KATNAL1: variants seen among roughly 807,000 people sequenced by gnomAD.
KATNAL1 encodes katanin catalytic subunit A1 like 1, also known as katanin p60 ATPase-containing subunit A-like 1.
Under a neutral mutation model 55.2 loss-of-function variants are expected in KATNAL1, and 32 were observed. That is an observed-to-expected ratio of 0.58 (90% CI 0.44 to 0.78). KATNAL1 has a LOEUF of 0.78. Ranked by LOEUF, KATNAL1 falls within the 30% of genes least tolerant of loss-of-function variation. KATNAL1 has a pLI of 0.00. For synonymous variants in KATNAL1, 193 were observed against 193.6 expected (o/e 1.00, Z 0.02); for missense variants, 466 against 600.9 (o/e 0.78, Z 2.35).
rs1257934976 is a variant in KATNAL1 at position 30,204,813 on chromosome 13, G to C, written c.*3727C>G. 6.6e-6 allele frequency: 1 copy of C among 152,138 alleles called. No individual in the cohort carries two copies. Among genetic ancestry groups the C allele is most frequent in the Non-Finnish European group, 1.5e-5 (1 of 68,030 alleles). 9.4% of individuals were successfully genotyped at this position (152,138 alleles called of 1,614,324 possible). On this transcript the variant is annotated 3_prime_UTR_variant, in exon 11 of 11. Transcript: ENST00000380615. Reference sequence around the variant, plus strand: ...AATTAAGCCCTGAGCTATACAGCTAGACCACCGCATGTTTTCCCCTTCCAA... The same window carrying C: ...AATTAAGCCCTGAGCTATACAGCTACACCACCGCATGTTTTCCCCTTCCAA...
intron 3 of KATNAL1, among the ~76,000 whole-genome samples, chr13:30,267,885 A>T (rs1489097726): frequency 6.6e-6 from 1 of 152,226 alleles, no homozygotes; most frequent in African/African-American, 2.4e-5. Context: ...GTGAGATCTG[A>T]GACAGGGTCG....
intron 3 of KATNAL1, among the ~76,000 whole-genome samples, chr13:30,263,593 A>G (rs1306902415): frequency 2.0e-5 from 3 of 152,232 alleles, no homozygotes; most frequent in Non-Finnish European, 4.4e-5. Context: ...AAATCATGAG[A>G]GAACCAAATC....
chr13:30,267,425 C>CA (rs1879864360), intron 3 of KATNAL1, among the ~76,000 whole-genome samples: 2 of 152,180 alleles, frequency 1.3e-5, no homozygotes, highest in African/African-American at 4.8e-5. Flanking sequence ...AAGCATGTGA[C>CA]ATACTGCCAG....
At chr13:30,256,463 T>A (rs594411) in intron 3 of KATNAL1, among the ~76,000 whole-genome samples, 44,776 of 151,958 alleles carry the variant, frequency 0.29, 7,626 homozygotes, top group Admixed American at 0.44. Context: ...CTTTTCTCTT[T>A]CTATAGCTAT....
At chr13:30,230,310 C>G (rs181285615) in intron 8 of KATNAL1, among the ~76,000 whole-genome samples, 158 bp downstream of exon 8, 4 of 152,222 alleles carry the variant, frequency 2.6e-5, no homozygotes, top group African/African-American at 7.2e-5. Flanking sequence ...AACAAGTATG[C>G]AAGAAATGCT....
chr13:30,293,782 A>G (rs1342447392), intron 1 of KATNAL1, among the ~76,000 whole-genome samples: 1 of 152,030 alleles, frequency 6.6e-6, no homozygotes, highest in African/African-American at 2.4e-5. Flanking sequence ...CGCAGACACC[A>G]TTTTTTACAA....
intron 3 of KATNAL1, among the ~76,000 whole-genome samples, chr13:30,260,101 A>C (rs1401021048): frequency 2.0e-5 from 3 of 152,222 alleles, no homozygotes; most frequent in African/African-American, 7.2e-5. Flanking sequence ...GGTACCCCCC[A>C]GCAGGGGCAG....
At chr13:30,259,424 A>G (rs1879066443) in intron 3 of KATNAL1, among the ~76,000 whole-genome samples, 1 of 152,088 alleles carries the variant, frequency 6.6e-6, no homozygotes, top group Admixed American at 6.5e-5. Flanking sequence ...TGAGCGACGC[A>G]AAAGACCAGT....
chr13:30,263,334 A>G (rs1254540241), intron 3 of KATNAL1, among the ~76,000 whole-genome samples: 4 of 151,644 alleles, frequency 2.6e-5, no homozygotes, highest in African/African-American at 4.8e-5. Context: ...CTCTCTCACC[A>G]CTCCTATTCA....
chr13:30,221,229 C>A (rs1258995446), intron 9 of KATNAL1, among the ~76,000 whole-genome samples: 1 of 152,170 alleles, frequency 6.6e-6, no homozygotes, highest in Non-Finnish European at 1.5e-5. Flanking sequence ...GTTTCCACTT[C>A]TAGCCATGAT....
At chr13:30,220,669 T>C (rs61946922) in intron 9 of KATNAL1, among the ~76,000 whole-genome samples, 19,562 of 152,150 alleles carry the variant, frequency 0.13, 1,644 homozygotes, top group Non-Finnish European at 0.18. Context: ...GCGTATTATT[T>C]TATGAGCTCA....
Position 30,210,072 on chromosome 13 carries a change from G to A in KATNAL1, c.1274+244C>T, listed in dbSNP as rs571476888. Among the ~76,000 whole-genome samples the A allele has an allele frequency of 5.9e-5, 9 of 152,106 alleles. No homozygotes were observed. The South Asian group carries it at 1.5e-3, about 25-fold the overall frequency. On this transcript the variant is annotated intron_variant, in intron 10 of 10. Coordinates refer to ENST00000380615, the MANE Select transcript of KATNAL1 (RefSeq NM_032116.5). The stretch of plus-strand genomic sequence containing the variant: ...GCTGGGATTAGAGGCGTAAGCCACC[G>A]ACACAACAATTTCTTAAAAATCCAA...
At chr13:30,294,801 C>A (rs1280960922) in intron 1 of KATNAL1, among the ~76,000 whole-genome samples, 1 of 152,198 alleles carries the variant, frequency 6.6e-6, no homozygotes, top group East Asian at 1.9e-4. Context: ...GCTGATTTAG[C>A]TGACGACTTG....
intron 1 of KATNAL1, among the ~76,000 whole-genome samples, chr13:30,294,650 T>C (rs555531334): frequency 6.6e-6 from 1 of 152,358 alleles, no homozygotes; most frequent in African/African-American, 2.4e-5. Context: ...TGAAGGTGGC[T>C]ACACTAAACA....
intron 3 of KATNAL1, among the ~76,000 whole-genome samples, chr13:30,259,786 A>G (rs1879115224): frequency 6.6e-6 from 1 of 152,224 alleles, no homozygotes; most frequent in Non-Finnish European, 1.5e-5. Flanking sequence ...GGCAGCAGCA[A>G]GGCTGGGGGA....
At position 30,296,025 on chromosome 13, in the gene KATNAL1, A is replaced by C. The variant is rs536479298; in HGVS notation, c.-15+11306T>G. ...TCAAGACCAGCCTGGGCAACATAGCAAGATGCCAATTCTAAAAAAAAAAAA... is the reference window on the plus strand; with the variant it reads ...TCAAGACCAGCCTGGGCAACATAGCCAGATGCCAATTCTAAAAAAAAAAAA... On this transcript the variant is annotated intron_variant, in intron 1 of 10. Transcript: ENST00000380615. The C allele has an allele frequency of 1.1e-4, 21 of 196,196 alleles. No individual in the cohort carries two copies. The East Asian group carries it at 2.9e-3, about 27-fold the overall frequency. 12.2% of individuals were successfully genotyped at this position (196,196 alleles called of 1,614,324 possible).
rs115006304 is a variant in KATNAL1, at chr13:30,227,408, A to T, written c.1147+4T>A. 5.3e-5 allele frequency: 86 copies of T among 1,612,964 alleles called. No homozygotes were observed. In the African/African-American group the frequency reaches 8.7e-4, roughly 16 times the overall value. On this transcript the variant is annotated splice_donor_region_variant and intron_variant, in intron 9 of 10. Transcript: ENST00000380615. ...GAAAGCTCAAAATAGAGAAGACATC[A>T]TACCTGTTGGGAGAGGTATATATAT...
intron 1 of KATNAL1, among the ~76,000 whole-genome samples, chr13:30,291,634 A>T (rs1882138030): frequency 6.6e-6 from 1 of 152,176 alleles, no homozygotes; most frequent in Non-Finnish European, 1.5e-5. Context: ...ATAAAGTAGG[A>T]CTTACTAACA....
chr13:30,272,648 A>T (rs1223347377), intron 3 of KATNAL1, among the ~76,000 whole-genome samples: 1 of 151,830 alleles, frequency 6.6e-6, no homozygotes, highest in African/African-American at 2.4e-5. Context: ...TGTAACATTA[A>T]AAAAAAAGAC....
Sources: allele counts gnomAD v4.1 joint callset (sites outside exome capture counted in the v4.1 genomes callset), GRCh38; gene constraint gnomAD v4.1.1; transcripts MANE v1.5; gene names NCBI Gene and HGNC (gene_info 2026-07-23, HGNC 2026-07-21).